The following GRAMD4 variants were observed in gnomAD, a reference collection of about 807,000 sequenced individuals.
GRAMD4 encodes the protein GRAM domain-containing protein 4.
In GRAMD4, 25 loss-of-function variants were observed where a neutral mutation model predicts 83.9. That is an observed-to-expected ratio of 0.30 (90% CI 0.22 to 0.42). The LOEUF is 0.42. GRAMD4 is among the 10% of genes least tolerant of loss of function. GRAMD4 has a pLI of 1.00. For missense variants in GRAMD4, 593 were observed against 788.7 expected (o/e 0.75, Z 2.97); for synonymous variants, 336 against 320.9 (o/e 1.05, Z -0.50).
chr22:46,626,705 G>A (rs780288673), intron 1 of GRAMD4, 46 bp from the exon 2 acceptor site: 65 of 1,281,450 alleles, frequency 5.1e-5, no homozygotes, highest in Admixed American at 2.4e-4. Context: ...GGCTCGTGGG[G>A]CTTGGAGGTG....
chr22:46,577,274 C>A, exon 1 of GRAMD4: 1 of 979,584 alleles, frequency 1.0e-6, no homozygotes, highest in East Asian at 1.2e-4. Flanking sequence ...GAGAGTTGGC[C>A]CCGATATCCG....
chr22:46,576,994 G>C (rs991498463), upstream of GRAMD4: 1 of 145,666 alleles, frequency 6.9e-6, no homozygotes, highest in Non-Finnish European at 1.5e-5. Context: ...CGGCCGCGGG[G>C]CGGGGGCGGG....
intron 1 of GRAMD4, among the ~76,000 whole-genome samples, chr22:46,608,077 T>G (rs923134833): frequency 1.3e-5 from 2 of 152,214 alleles, no homozygotes; most frequent in East Asian, 1.9e-4. Flanking sequence ...CATTAAACAC[T>G]TAGTGCGTGG....
At chr22:46,616,773 C>T (rs111220740), upstream of GRAMD4, among the ~76,000 whole-genome samples, 312 of 4,998 alleles carry the variant, frequency 0.062, 2 homozygotes, top group East Asian at 0.29. Flanking sequence ...TTCCCCTGTG[C>T]GTGCAGGTTC....
chr22:46,681,991 C>G (rs1180968799), downstream of GRAMD4, among the ~76,000 whole-genome samples: 1 of 152,190 alleles, frequency 6.6e-6, no homozygotes, highest in Non-Finnish European at 1.5e-5. Context: ...CAAGGAAGGA[C>G]CCCAAGACCC....
At chr22:46,674,369 G>A (rs531423978) in intron 15 of GRAMD4, among the ~76,000 whole-genome samples, 10 of 152,310 alleles carry the variant, frequency 6.6e-5, no homozygotes, top group South Asian at 4.1e-4. Flanking sequence ...TGACCCTGCC[G>A]GTCTTGGAGG....
chr22:46,673,348 C>T (rs1239738108), intron 14 of GRAMD4, among the ~76,000 whole-genome samples: 3 of 152,256 alleles, frequency 2.0e-5, no homozygotes, highest in South Asian at 4.1e-4. Flanking sequence ...GAGCCACAGC[C>T]TGGCACTGGG....
intron 2 of GRAMD4, among the ~76,000 whole-genome samples, chr22:46,635,762 ACTCCTGTCCTAGGT>A (rs2081875012): frequency 1.5e-4 from 2 of 13,012 alleles, no homozygotes; most frequent in Admixed American, 8.9e-4. Context: ...GCCCCTGGCC[ACTCCTGTCCTAGGT>A]GGCCGTGTCC....
chr22:46,643,057 A>C (rs1405792822), intron 3 of GRAMD4, among the ~76,000 whole-genome samples: 1 of 151,484 alleles, frequency 6.6e-6, no homozygotes, highest in Non-Finnish European at 1.5e-5. Flanking sequence ...CCATCCACCC[A>C]CCTACCCATC....
At chr22:46,615,720 A>C (rs1354454250), upstream of GRAMD4, among the ~76,000 whole-genome samples, 3 of 41,366 alleles carry the variant, frequency 7.3e-5, no homozygotes, top group South Asian at 3.4e-3. Context: ...CTGTGCGTGT[A>C]GGTTCCCCCG....
chr22:46,578,021 G>T (rs1382180186), intron 1 of GRAMD4, among the ~76,000 whole-genome samples: 1 of 152,244 alleles, frequency 6.6e-6, no homozygotes, highest in South Asian at 2.1e-4. Context: ...TGGTGCCCCT[G>T]CCCTGTTGGC....
At chr22:46,650,391 G>A (rs577144364) in intron 3 of GRAMD4, among the ~76,000 whole-genome samples, 1 of 151,870 alleles carries the variant, frequency 6.6e-6, no homozygotes, top group Non-Finnish European at 1.5e-5. Flanking sequence ...TGGGCGTCGA[G>A]GCTGGGAGGA....
chr22:46,648,324 G>T (rs1342759445), intron 3 of GRAMD4, among the ~76,000 whole-genome samples: 1 of 119,688 alleles, frequency 8.4e-6, no homozygotes, highest in Non-Finnish European at 1.8e-5. Flanking sequence ...GTGAGTGGAT[G>T]GATGGATGGA....
chr22:46,663,005 C>G (rs1225637676), intron 5 of GRAMD4, 35 bp from the exon 6 acceptor site: 1 of 1,568,940 alleles, frequency 6.4e-7, no homozygotes, highest in Non-Finnish European at 8.7e-7. Context: ...CAGTGCAGCC[C>G]TGCCGTGCCC....
Position 46,659,326 on chromosome 22 carries a change from C to T in GRAMD4, c.404+1019C>T, listed in dbSNP as rs1225639817. 1.3e-5 allele frequency among the ~76,000 whole-genome samples: 2 copies of T among 152,090 alleles called. No individual in the cohort carries two copies. The highest frequency in any genetic ancestry group is 2.9e-5 in the Non-Finnish European group (2 of 68,012). ...AGCCTCCGTCCTCAGACTCCACTCC[C>T]TCAGCCTCCCCACTCAGGTTCCACT... On this transcript the variant is annotated intron_variant, in intron 4 of 18. Coordinates refer to ENST00000406902, the MANE Select transcript of GRAMD4 (RefSeq NM_015124.5). The surrounding 1 kb of genome is among the most constrained non-coding windows in gnomAD (Gnocchi z 4.1).
At chr22:46,585,663 G>T (rs1216265838) in intron 1 of GRAMD4, among the ~76,000 whole-genome samples, 1 of 152,196 alleles carries the variant, frequency 6.6e-6, no homozygotes, top group African/African-American at 2.4e-5. Flanking sequence ...TGATGCTTCT[G>T]CCTTCAGGGC....
At chr22:46,617,765 G>C (rs890883593), upstream of GRAMD4, among the ~76,000 whole-genome samples, 1 of 152,106 alleles carries the variant, frequency 6.6e-6, no homozygotes, top group African/African-American at 2.4e-5. Flanking sequence ...CCCTGGGCCC[G>C]CTCCCTGGCC....
At chr22:46,664,980 G>A (rs1482448478) in intron 8 of GRAMD4, among the ~76,000 whole-genome samples, 2 of 152,184 alleles carry the variant, frequency 1.3e-5, no homozygotes, top group Non-Finnish European at 2.9e-5. Flanking sequence ...GATGAAGGCT[G>A]GGTGCTGGGA....
intron 1 of GRAMD4, among the ~76,000 whole-genome samples, chr22:46,580,139 G>A (rs1212535667): frequency 6.6e-6 from 1 of 152,228 alleles, no homozygotes; most frequent in African/African-American, 2.4e-5. Flanking sequence ...TCCCTGCTCC[G>A]ACAGAAATTG....
Sources: allele counts gnomAD v4.1 joint callset (sites outside exome capture counted in the v4.1 genomes callset), GRCh38; gene constraint gnomAD v4.1.1; non-coding constraint Gnocchi (gnomAD v3.1); transcripts MANE v1.5; gene names NCBI Gene and HGNC (gene_info 2026-07-23, HGNC 2026-07-21).